The following RASAL2 variants were observed in gnomAD, a reference collection of about 807,000 sequenced individuals.
The protein encoded by RASAL2 is ras GTPase-activating protein nGAP.
A neutral mutation model predicts 128.9 loss-of-function variants in RASAL2; 58 were observed. That is an observed-to-expected ratio of 0.45 (90% CI 0.36 to 0.56). RASAL2 has a LOEUF of 0.56. RASAL2 is among the 20% of genes least tolerant of loss of function. The pLI is 0.00. For synonymous variants in RASAL2, 561 were observed against 580.8 expected (o/e 0.97, Z 0.49); for missense variants, 1,360 against 1,601.6 (o/e 0.85, Z 2.57).
Position 178,368,301 on chromosome 1 carries a change from C to T in RASAL2, c.458-21799C>T, listed in dbSNP as rs570525373. On this transcript the variant is annotated intron_variant, in intron 3 of 17. Transcript: ENST00000367649. ...GAAAATGAATAGAATACTTATCTCA[C>T]GTGGTTGTTGTTTAAGAATTTTAAC... 7.2e-5 allele frequency among the ~76,000 whole-genome samples: 11 copies of T among 152,264 alleles called. No individual in the cohort carries two copies. The South Asian group carries it at 1.9e-3, about 26-fold the overall frequency.
chr1:178,273,956 A>G (rs1571755736), intron 1 of RASAL2, among the ~76,000 whole-genome samples: 1 of 152,316 alleles, frequency 6.6e-6, no homozygotes, highest in East Asian at 1.9e-4. Flanking sequence ...GTGACGGATA[A>G]CATTCTTTAG....
At chr1:178,402,839 A>G (rs1312300762) in intron 4 of RASAL2, among the ~76,000 whole-genome samples, 1 of 152,068 alleles carries the variant, frequency 6.6e-6, no homozygotes, top group East Asian at 1.9e-4. Context: ...CTTCAATTAA[A>G]TTCATCTAGT....
chr1:178,459,014 A>G (rs183091279), intron 14 of RASAL2, among the ~76,000 whole-genome samples: 2 of 152,306 alleles, frequency 1.3e-5, no homozygotes, highest in East Asian at 3.9e-4. Flanking sequence ...GGAAATACAA[A>G]GTCCCATGTG....
chr1:178,306,082 A>G (rs921963258), intron 3 of RASAL2, among the ~76,000 whole-genome samples: 4 of 152,210 alleles, frequency 2.6e-5, no homozygotes, highest in African/African-American at 9.6e-5. Flanking sequence ...TAAATTTGAC[A>G]TAGATTTTGA....
At chr1:178,158,507 C>G (rs960886907) in intron 1 of RASAL2, among the ~76,000 whole-genome samples, 1 of 152,062 alleles carries the variant, frequency 6.6e-6, no homozygotes, top group South Asian at 2.1e-4. Flanking sequence ...CATCCTTCAA[C>G]AAAGTAGTTG....
At chr1:178,281,576 T>A (rs1330479712) in intron 1 of RASAL2, among the ~76,000 whole-genome samples, 1 of 152,194 alleles carries the variant, frequency 6.6e-6, no homozygotes, top group Non-Finnish European at 1.5e-5. Flanking sequence ...GGTTTATCAG[T>A]GTTTTCTTGC....
At position 178,452,402 on chromosome 1, in the gene RASAL2, C is replaced by T. The variant is rs1322163750; in HGVS notation, c.1773-14C>T. 1.9e-5 allele frequency: 30 copies of T among 1,610,048 alleles called. No individual in the cohort carries two copies. Among genetic ancestry groups the T allele is most frequent in the Admixed American group, 8.3e-5 (5 of 59,980 alleles). On this transcript the variant is annotated splice_polypyrimidine_tract_variant and intron_variant, in intron 10 of 17. Coordinates refer to ENST00000367649, the MANE Select transcript of RASAL2 (RefSeq NM_170692.4). ...TCTGTGTTTAGAGGTTTTGGTACTTCTTTCCTTCCCTAGTGTTTTCCCTCG... is the reference window on the plus strand; with the variant it reads ...TCTGTGTTTAGAGGTTTTGGTACTTTTTTCCTTCCCTAGTGTTTTCCCTCG...
intron 11 of RASAL2, 114 bp downstream of exon 11, chr1:178,452,766 T>C: frequency 1.2e-6 from 1 of 823,780 alleles, no homozygotes; most frequent in Non-Finnish European, 1.9e-6. Context: ...TTTCACTGTG[T>C]TATTAATAAA....
Position 178,476,522 on chromosome 1 carries a change from G to A in RASAL2, c.*3283G>A, listed in dbSNP as rs571446235. 1 of 152,268 alleles carries A rather than the reference G, an allele frequency of 6.6e-6. No individual in the cohort carries two copies. The highest frequency in any genetic ancestry group is 1.9e-4 in the East Asian group (1 of 5,176). The allele number at this position is 152,268 out of a possible 1,614,324, so 9.4% of individuals were successfully genotyped here. A position where few individuals can be genotyped will look rare whatever the true frequency, so the allele number is the denominator to read the frequency against. On this transcript the variant is annotated 3_prime_UTR_variant, in exon 18 of 18. Transcript: ENST00000367649. ...GCAGTCTAACGGTAAGAAAAATGTG[G>A]TAAAATGAGGTAATCATGCTGCTAT... is the stretch of plus-strand genomic sequence containing the variant.
chr1:178,278,064 G>A (rs983939224), intron 1 of RASAL2, among the ~76,000 whole-genome samples: 1 of 152,180 alleles, frequency 6.6e-6, no homozygotes, highest in East Asian at 1.9e-4. Flanking sequence ...GCAAAAGAAT[G>A]AAAGCTGTCT....
chr1:178,121,805 C>CA (rs1415106932), intron 1 of RASAL2, among the ~76,000 whole-genome samples: 1 of 152,134 alleles, frequency 6.6e-6, no homozygotes, highest in African/African-American at 2.4e-5. Flanking sequence ...TTGTTATACT[C>CA]TTTTCCCCCA....
At chr1:178,216,916 A>G (rs908134669) in intron 1 of RASAL2, among the ~76,000 whole-genome samples, 1 of 152,222 alleles carries the variant, frequency 6.6e-6, no homozygotes, top group Non-Finnish European at 1.5e-5. Flanking sequence ...TGTGGGAACC[A>G]TGAAGCAGCA....
At chr1:178,168,423 A>G (rs1661591122) in intron 1 of RASAL2, among the ~76,000 whole-genome samples, 2 of 151,902 alleles carry the variant, frequency 1.3e-5, no homozygotes, top group Admixed American at 6.6e-5. Context: ...TCCGTTTTAT[A>G]CCTTTAGCTT....
chr1:178,144,904 G>A (rs567039442), intron 1 of RASAL2, among the ~76,000 whole-genome samples: 2 of 152,106 alleles, frequency 1.3e-5, no homozygotes, highest in Non-Finnish European at 2.9e-5. Context: ...GAATAATTGC[G>A]TACTCATACA....
At chr1:178,332,136 G>A (rs774793780) in intron 3 of RASAL2, among the ~76,000 whole-genome samples, 66 of 152,136 alleles carry the variant, frequency 4.3e-4, no homozygotes, top group African/African-American at 1.4e-3. Flanking sequence ...ATAAATGATG[G>A]TATAGGATAA....
At chr1:178,283,759 T>C (rs1328756781) in intron 2 of RASAL2, 68 bp downstream of exon 2, 7 of 1,577,212 alleles carry the variant, frequency 4.4e-6, no homozygotes, top group Non-Finnish European at 5.2e-6. Context: ...TACCTAGTTT[T>C]TGTTTGCATT....
chr1:178,445,477 T>C, intron 8 of RASAL2, 41 bp from the exon 9 acceptor site: 1 of 1,597,888 alleles, frequency 6.3e-7, no homozygotes, highest in Non-Finnish European at 8.5e-7. Context: ...GTGTATTATT[T>C]ATTCAGTTGC....
chr1:178,353,596 C>T (rs1247842611), intron 3 of RASAL2, among the ~76,000 whole-genome samples: 1 of 152,218 alleles, frequency 6.6e-6, no homozygotes, highest in East Asian at 1.9e-4. Flanking sequence ...ACTCTTCCAG[C>T]TTCTACCAGT....
chr1:178,472,996 A>C (rs1443944625), intron 17 of RASAL2, 79 bp from the exon 18 acceptor site: 2 of 1,508,310 alleles, frequency 1.3e-6, no homozygotes. Context: ...GAGAGAAAGC[A>C]CTGGACTAGT....
Sources: gnomAD v4.1 joint callset for allele counts (sites outside exome capture counted in the v4.1 genomes callset) on GRCh38, gnomAD v4.1.1 for gene constraint, MANE v1.5 for transcripts, NCBI Gene and HGNC (gene_info 2026-07-23, HGNC 2026-07-21) for gene names.